CAP1: variants seen among roughly 807,000 people sequenced by gnomAD.
CAP1 encodes the protein adenylyl cyclase-associated protein 1.
CAP1 carries 11 observed loss-of-function variants against 58.2 expected under a neutral mutation model. The ratio of observed to expected loss-of-function variants is 0.19; its 90% CI spans 0.12 to 0.31. The LOEUF (loss-of-function observed/expected upper bound fraction) is 0.31. CAP1 is among the 10% of genes least tolerant of loss of function. The probability of loss-of-function intolerance (pLI) is 1.00; values close to 1 mark genes in which losing one functional copy is unlikely to be tolerated. For missense variants in CAP1, 423 were observed against 587.5 expected, an observed-to-expected ratio of 0.72 and a Z score of 2.89; for synonymous variants, 183 against 213.8, an observed-to-expected ratio of 0.86 and a Z score of 1.26.
At chr1:40,048,983 C>T (rs996168239) in intron 1 of CAP1, among the ~76,000 whole-genome samples, 1 of 152,056 alleles carries the variant, frequency 6.6e-6, no homozygotes, top group Admixed American at 6.6e-5. Context: ...ACATTTCAAG[C>T]ATAGCAACTT....
In CAP1 at chr1:40,072,396, T is replaced by C; in HGVS notation, c.*863T>C. 3.9e-6 allele frequency: 1 copy of C among 257,832 alleles called. No homozygotes were observed. The highest frequency in any genetic ancestry group is 7.3e-6 in the Non-Finnish European group (1 of 137,558). The allele number at this position is 257,832 out of a possible 1,614,324, so 16.0% of individuals were successfully genotyped here. On this transcript the variant is annotated 3_prime_UTR_variant, in exon 13 of 13. Coordinates refer to ENST00000372805, the MANE Select transcript of CAP1 (RefSeq NM_006367.4). The stretch of plus-strand genomic sequence containing the variant: ...AGCTTATGGCTTCTGTCTAAGCACC[T>C]GAACAGAGGACTGAAACCTCCACTG...
At chr1:40,062,450 T>G (rs1460090536) in intron 4 of CAP1, among the ~76,000 whole-genome samples, 1 of 152,094 alleles carries the variant, frequency 6.6e-6, no homozygotes, top group African/African-American at 2.4e-5. Context: ...CAAGATAATG[T>G]CAAATATATT....
Position 40,071,886 on chromosome 1 carries a change from A to G in CAP1, c.*353A>G. On this transcript the variant is annotated 3_prime_UTR_variant, in exon 13 of 13. Coordinates refer to ENST00000372805, the MANE Select transcript of CAP1 (RefSeq NM_006367.4). ...TGGAAAGAAAACAGTCCCTGGAATT[A>G]ACAGATCAGAATGTTCACACTGGTT... The G allele has an allele frequency of 2.3e-6, 1 of 438,776 alleles. No individual in the cohort carries two copies. Among genetic ancestry groups the G allele is most frequent in the South Asian group, 6.7e-5 (1 of 14,884 alleles). The allele number at this position is 438,776 out of a possible 1,614,324, so 27.2% of individuals were successfully genotyped here.
chr1:40,057,208 GA>G (rs751066846), intron 1 of CAP1, among the ~76,000 whole-genome samples: 7 of 152,150 alleles, frequency 4.6e-5, no homozygotes, highest in Non-Finnish European at 1.0e-4. Flanking sequence ...ATGTATGAAG[GA>G]ACATGTTTTA....
chr1:40,054,322 C>G (rs533758609), intron 1 of CAP1, among the ~76,000 whole-genome samples: 21 of 152,084 alleles, frequency 1.4e-4, no homozygotes, highest in African/African-American at 4.8e-4. Context: ...TCCCAAGTAG[C>G]TGGGACTACA....
At chr1:40,056,300 A>ATT (rs58942588) in intron 1 of CAP1, among the ~76,000 whole-genome samples, 97,069 of 146,638 alleles carry the variant, frequency 0.66, 32,608 homozygotes, top group Non-Finnish European at 0.74. Context: ...TGAAAGCTGG[A>ATT]TTTTTTTTTT....
In CAP1 at chr1:40,067,768, A is replaced by G. The variant is rs374917604; in HGVS notation, c.808+51A>G. ...GTAGGTACAACAAGTTGTGTGGGCCAGACCCCACCAACCAGAACCGTCTGT... is the reference window on the plus strand; with the variant it reads ...GTAGGTACAACAAGTTGTGTGGGCCGGACCCCACCAACCAGAACCGTCTGT... On this transcript the variant is annotated intron_variant, in intron 8 of 12. Coordinates refer to ENST00000372805, the MANE Select transcript of CAP1 (RefSeq NM_006367.4). The G allele has an allele frequency of 2.8e-5, 38 of 1,345,222 alleles. No individual in the cohort carries two copies. In the African/African-American group the frequency reaches 4.6e-4, roughly 16 times the overall value. 83.3% of individuals were successfully genotyped at this position (1,345,222 alleles called of 1,614,324 possible). A position where few individuals can be genotyped will look rare whatever the true frequency, so the allele number is the denominator to read the frequency against.
chr1:40,067,721 A>G lies in CAP1; in HGVS notation c.808+4A>G, dbSNP rs560626721. On this transcript the variant is annotated splice_donor_region_variant and intron_variant, in intron 8 of 12. Transcript: ENST00000372805. ...CAGGGGGAGAGCATTACACATGGTG[A>G]GTGAGCACTTGGACACGAACAGTAG... 6 of 1,593,428 alleles carry G rather than the reference A, an allele frequency of 3.8e-6. No homozygotes were observed. The highest frequency in any genetic ancestry group is 1.4e-5 in the African/African-American group (1 of 73,650).
intron 7 of CAP1, 95 bp from the exon 8 acceptor site, chr1:40,067,445 G>T: frequency 9.2e-7 from 1 of 1,082,022 alleles, no homozygotes. Context: ...GCTGTGGTGG[G>T]GACCCCATGT....
intron 3 of CAP1, 60 bp downstream of exon 3, chr1:40,060,230 C>A: frequency 3.2e-6 from 4 of 1,258,040 alleles, no homozygotes; most frequent in Non-Finnish European, 3.4e-6. Flanking sequence ...TTCAGTCAGC[C>A]AAGGTCCTCA....
At chr1:40,049,399 C>T (rs749704705) in intron 1 of CAP1, among the ~76,000 whole-genome samples, 2 of 151,592 alleles carry the variant, frequency 1.3e-5, no homozygotes, top group Non-Finnish European at 2.9e-5. Context: ...TTAGTAGAGA[C>T]GAGGTTTCGC....
intron 4 of CAP1, 111 bp downstream of exon 4, chr1:40,061,923 T>C (rs930434969): frequency 2.5e-6 from 2 of 808,070 alleles, no homozygotes; most frequent in African/African-American, 3.4e-5. Flanking sequence ...CTTTTGATAA[T>C]ATATGTTCAT....
At chr1:40,061,676 C>G in intron 3 of CAP1, 59 bp from the exon 4 acceptor site, 11 of 1,403,610 alleles carry the variant, frequency 7.8e-6, no homozygotes, top group Non-Finnish European at 1.1e-5. Context: ...TCAGGTTATT[C>G]TTATCAAGAC....
In CAP1 at chr1:40,070,517, C is replaced by T; in HGVS notation, c.1200+5C>T. 1 of 1,610,462 alleles carries T rather than the reference C, an allele frequency of 6.2e-7. No individual in the cohort carries two copies. The highest frequency in any genetic ancestry group is 8.5e-7 in the Non-Finnish European group (1 of 1,176,656). ...AGTAAGGATGTCAAAGTTCAGGTAA[C>T]TCGATATTTTGGCTCCTTCTTTTTG... On this transcript the variant is annotated splice_donor_5th_base_variant and intron_variant, in intron 11 of 12. Coordinates refer to ENST00000372805, the MANE Select transcript of CAP1 (RefSeq NM_006367.4).
At chr1:40,042,167 G>T (rs962605892) in intron 1 of CAP1, among the ~76,000 whole-genome samples, 3 of 152,172 alleles carry the variant, frequency 2.0e-5, no homozygotes, top group Admixed American at 2.0e-4. Context: ...ATGATCCACC[G>T]TGCCCGGCCC....
intron 1 of CAP1, among the ~76,000 whole-genome samples, chr1:40,055,848 C>CATCT (rs1646591777): frequency 6.6e-6 from 1 of 152,040 alleles, no homozygotes; most frequent in Admixed American, 6.6e-5. Context: ...AGGCAAGAGG[C>CATCT]ATCTATTCAT....
intron 3 of CAP1, among the ~76,000 whole-genome samples, chr1:40,060,833 G>C (rs1460961566): frequency 6.6e-6 from 1 of 152,106 alleles, no homozygotes; most frequent in African/African-American, 2.4e-5. Flanking sequence ...AATCTATTTT[G>C]AGCCTCTCAA....
chr1:40,054,310 C>T (rs1410619606), intron 1 of CAP1, among the ~76,000 whole-genome samples: 2 of 151,918 alleles, frequency 1.3e-5, no homozygotes, highest in Non-Finnish European at 2.9e-5. Context: ...CATGCCTCAG[C>T]CTCCCAAGTA....
intron 11 of CAP1, 67 bp from the exon 12 acceptor site, chr1:40,070,769 C>A (rs1361103566): frequency 1.1e-4 from 157 of 1,433,026 alleles, no homozygotes; most frequent in Non-Finnish European, 1.5e-4. Flanking sequence ...AACAGGAAAC[C>A]TTTTCCTGCG....
Sources: allele counts gnomAD v4.1 joint callset (sites outside exome capture counted in the v4.1 genomes callset), GRCh38; gene constraint gnomAD v4.1.1; transcripts MANE v1.5; gene names NCBI Gene and HGNC (gene_info 2026-07-23, HGNC 2026-07-21).